The following NFIB variants were observed in gnomAD, a reference collection of about 807,000 sequenced individuals.
The protein encoded by NFIB is nuclear factor 1 B-type.
NFIB carries 11 observed loss-of-function variants against 61.5 expected under a neutral mutation model. That is an observed-to-expected ratio of 0.18 (90% confidence interval 0.11 to 0.30). NFIB has a LOEUF of 0.30. Among genes scored for constraint, NFIB ranks in the 10% least tolerant of loss-of-function variants. The pLI, the probability that NFIB is intolerant of heterozygous loss-of-function variation, is 1.00. For synonymous variants in NFIB, 260 were observed against 216.5 expected, an observed-to-expected ratio of 1.20 and a Z score of -1.76; for missense variants, 471 against 608.9, an observed-to-expected ratio of 0.77 and a Z score of 2.38.
intron 2 of NFIB, among the ~76,000 whole-genome samples, chr9:14,234,586 T>A (rs1047063777): frequency 6.6e-6 from 1 of 152,070 alleles, no homozygotes; most frequent in African/African-American, 2.4e-5. Context: ...ACCAGGCTGG[T>A]CTCAAACTCT....
intron 2 of NFIB, among the ~76,000 whole-genome samples, chr9:14,298,209 C>A (rs1318146693): frequency 1.3e-5 from 2 of 152,218 alleles, no homozygotes; most frequent in East Asian, 3.9e-4. Flanking sequence ...TTTTACCCTA[C>A]ATGTTTAGTA....
chr9:14,457,689 C>A, the NFIB span, among the ~76,000 whole-genome samples: 1 of 151,870 alleles, frequency 6.6e-6, no homozygotes, highest in African/African-American at 2.4e-5. Flanking sequence ...GGGGTTATCA[C>A]CACCGATCCC....
intron 1 of NFIB, among the ~76,000 whole-genome samples, chr9:14,378,745 C>T (rs2061449519): frequency 6.6e-6 from 1 of 152,182 alleles, no homozygotes; most frequent in Non-Finnish European, 1.5e-5. Flanking sequence ...GGTCATGGTA[C>T]AGCCACTTAA....
chr9:14,343,552 C>G (rs1189097797), intron 1 of NFIB, among the ~76,000 whole-genome samples: 1 of 152,158 alleles, frequency 6.6e-6, no homozygotes, highest in Non-Finnish European at 1.5e-5. Flanking sequence ...ATGCTACAGC[C>G]TCTGCTGGCT....
chr9:14,153,498 G>A (rs1007316926), intron 4 of NFIB, among the ~76,000 whole-genome samples: 1 of 152,074 alleles, frequency 6.6e-6, no homozygotes, highest in African/African-American at 2.4e-5. Flanking sequence ...TCTTAGAAAT[G>A]AAGCACCAAA....
chr9:14,390,364 G>C (rs940968683), intron 1 of NFIB, among the ~76,000 whole-genome samples: 1 of 152,130 alleles, frequency 6.6e-6, no homozygotes, highest in Non-Finnish European at 1.5e-5. Context: ...AATTTTGGGG[G>C]AAAGGAATGT....
intron 8 of NFIB, among the ~76,000 whole-genome samples, chr9:14,118,868 T>G (rs1053279666): frequency 6.6e-6 from 1 of 151,506 alleles, no homozygotes; most frequent in Admixed American, 6.6e-5. Context: ...AGGCAGATTA[T>G]CACCTAATAT....
At chr9:14,373,046 C>G (rs939367765) in intron 1 of NFIB, among the ~76,000 whole-genome samples, 16 of 152,276 alleles carry the variant, frequency 1.1e-4, no homozygotes, top group African/African-American at 3.9e-4. Flanking sequence ...GTTTATATAG[C>G]GTTTCCTCCT....
intron 2 of NFIB, among the ~76,000 whole-genome samples, chr9:14,267,132 CT>C (rs1369344136): frequency 3.3e-5 from 5 of 152,076 alleles, no homozygotes; most frequent in African/African-American, 4.8e-5. Context: ...AATTTGTTTC[CT>C]GGAAGGGATT....
chr9:14,272,278 C>T (rs145498181), intron 2 of NFIB, among the ~76,000 whole-genome samples: 13 of 151,838 alleles, frequency 8.6e-5, no homozygotes, highest in Admixed American at 5.2e-4. Context: ...GGCTTTTTGT[C>T]GTAATTTTAA....
At chr9:14,466,012 G>T in the NFIB span, among the ~76,000 whole-genome samples, 43 of 152,256 alleles carry the variant, frequency 2.8e-4, no homozygotes, top group African/African-American at 9.6e-4. Context: ...AGCACGGCAG[G>T]ACTGAGAGAG....
At chr9:14,276,604 T>C (rs917937012) in intron 2 of NFIB, among the ~76,000 whole-genome samples, 6 of 152,228 alleles carry the variant, frequency 3.9e-5, no homozygotes, top group South Asian at 4.1e-4. Flanking sequence ...CTGGGTAACT[T>C]ATTGTAAAAT....
At chr9:14,424,358 A>T in the NFIB span, among the ~76,000 whole-genome samples, 5 of 152,096 alleles carry the variant, frequency 3.3e-5, no homozygotes, top group East Asian at 9.7e-4. Flanking sequence ...AAAGTGTTCG[A>T]GGGTCAAATA....
intron 1 of NFIB, among the ~76,000 whole-genome samples, chr9:14,392,847 T>TA: frequency 6.6e-6 from 1 of 152,356 alleles, no homozygotes; most frequent in Middle Eastern, 3.4e-3. Context: ...CTGGCAACTA[T>TA]TATTGGTTAG....
chr9:14,243,701 G>A lies in NFIB; in HGVS notation c.562+63288C>T, dbSNP rs77866642. On this transcript the variant is annotated intron_variant, in intron 2 of 10. Coordinates refer to ENST00000380953, the MANE Select transcript of NFIB (RefSeq NM_001190737.2). ...CATTTTTTTCTCAGCATTTTTCTTCGTAAAAGTTCGTCCTAAGAAATCCCA... is the reference window on the plus strand; with the variant it reads ...CATTTTTTTCTCAGCATTTTTCTTCATAAAAGTTCGTCCTAAGAAATCCCA... 2.1e-3 allele frequency among the ~76,000 whole-genome samples: 311 copies of A among 151,688 alleles called. 6 individuals are homozygous for A. The East Asian group carries it at 0.039, about 19-fold the overall frequency.
At chr9:14,108,276 T>C (rs926788857) in intron 10 of NFIB, among the ~76,000 whole-genome samples, 1 of 152,134 alleles carries the variant, frequency 6.6e-6, no homozygotes, top group South Asian at 2.1e-4. Flanking sequence ...AGTTTGTTCA[T>C]AGTCCACTTG....
At chr9:14,231,141 T>A (rs868454646) in intron 2 of NFIB, among the ~76,000 whole-genome samples, 64 of 118,774 alleles carry the variant, frequency 5.4e-4, no homozygotes, top group African/African-American at 1.4e-3. Context: ...AAAAAATATA[T>A]ATATATATAT....
At chr9:14,221,970 T>C (rs1563917066) in intron 2 of NFIB, among the ~76,000 whole-genome samples, 3 of 152,216 alleles carry the variant, frequency 2.0e-5, no homozygotes, top group African/African-American at 7.2e-5. Flanking sequence ...AGAGCCTGTC[T>C]GCTTAGCACT....
In NFIB at chr9:14,083,072, T is replaced by A; in HGVS notation, c.*5237A>T. The A allele has an allele frequency of 5.0e-6, 1 of 198,360 alleles. No individual in the cohort carries two copies. Among genetic ancestry groups the A allele is most frequent in the Non-Finnish European group, 9.9e-6 (1 of 101,150 alleles). 12.3% of individuals were successfully genotyped at this position (198,360 alleles called of 1,614,324 possible). On this transcript the variant is annotated 3_prime_UTR_variant, in exon 11 of 11. Transcript: ENST00000380953. ...GCAACACACAGATATTTCTAGAGTA[T>A]TAACTAGTGAACCCTTTTATTATTA...
Sources: allele counts gnomAD v4.1 joint callset (sites outside exome capture counted in the v4.1 genomes callset), GRCh38; gene constraint gnomAD v4.1.1; transcripts MANE v1.5; gene names NCBI Gene and HGNC (gene_info 2026-07-23, HGNC 2026-07-21).